HTT: variants seen among roughly 807,000 people sequenced by gnomAD.
HTT encodes the protein huntingtin.
In HTT, 104 loss-of-function variants were observed where a neutral mutation model predicts 362.3. The observed-to-expected ratio is 0.29, with a 90% CI of 0.24 to 0.34. HTT has a LOEUF of 0.34. HTT is among the 10% of genes least tolerant of loss of function. The pLI, the probability that HTT is intolerant of heterozygous loss-of-function variation, is 1.00. For missense variants in HTT, 3,301 were observed against 3,928.6 expected, an observed-to-expected ratio of 0.84 and a Z score of 4.27; for synonymous variants, 1,577 against 1,548.7, an observed-to-expected ratio of 1.02 and a Z score of -0.43.
At chr4:3,120,914 C>T (rs1715268827) in intron 8 of HTT, among the ~76,000 whole-genome samples, 1 of 152,214 alleles carries the variant, frequency 6.6e-6, no homozygotes, top group Non-Finnish European at 1.5e-5. Context: ...ACTCTCCCCT[C>T]CGTGTATGCT....
Position 3,180,703 on chromosome 4 carries a change from G to A in HTT, c.4749+52G>A, listed in dbSNP as rs538773311. ...CGTGGATACTTTATTGACCCGTGCA[G>A]ATGGAAGGAAGTGCCATGTGGTAAC... On this transcript the variant is annotated intron_variant, in intron 36 of 66. Coordinates refer to ENST00000355072, the MANE Select transcript of HTT (RefSeq NM_001388492.1). 160 of 1,505,440 alleles carry A rather than the reference G, an allele frequency of 1.1e-4. No individual in the cohort carries two copies. The East Asian group carries it at 3.8e-3, about 36-fold the overall frequency. 93.3% of individuals were successfully genotyped at this position (1,505,440 alleles called of 1,614,324 possible). A position where few individuals can be genotyped will look rare whatever the true frequency, so the allele number is the denominator to read the frequency against.
intron 31 of HTT, 41 bp from the exon 32 acceptor site, chr4:3,174,680 A>T: frequency 6.8e-7 from 1 of 1,461,908 alleles, no homozygotes; most frequent in African/African-American, 1.4e-5. Flanking sequence ...TTATTTAAAG[A>T]TATTCTCATT....
intron 2 of HTT, among the ~76,000 whole-genome samples, chr4:3,090,369 T>C (rs1713436152): frequency 6.6e-6 from 1 of 152,210 alleles, no homozygotes; most frequent in Admixed American, 6.5e-5. Context: ...CAAACATACT[T>C]CTGCATTCTG....
chr4:3,131,515 G>C, intron 15 of HTT, 118 bp downstream of exon 15: 1 of 1,509,900 alleles, frequency 6.6e-7, no homozygotes, highest in Admixed American at 1.7e-5. Flanking sequence ...GATGAGTTTG[G>C]TTTTCACTAG....
rs751707112 is a variant in HTT, at chr4:3,099,340, C to T, written c.414C>T (p.Asp138=). The part of the protein sequence containing the change: ...AMELFLLCSD[D]AESDVRMVAD... ...AACTTTTTCTGCTGTGCAGTGATGA[C>T]GCAGAGTCAGATGTCAGGATGGTGG... Residue 138 remains aspartate (D), a synonymous_variant, in exon 3 of 67, where the codon GAC becomes GAT. Transcript: ENST00000355072. 43 of 1,613,462 alleles carry T rather than the reference C, an allele frequency of 2.7e-5. No homozygotes were observed. Among genetic ancestry groups the T allele is most frequent in the African/African-American group, 4.0e-5 (3 of 74,892 alleles).
At chr4:3,159,785 T>A (rs2110217397) in intron 28 of HTT, among the ~76,000 whole-genome samples, 1 of 152,378 alleles carries the variant, frequency 6.6e-6, no homozygotes, top group South Asian at 2.1e-4. Context: ...AAAATAGAAT[T>A]GCTGTATAAT....
Position 3,241,112 on chromosome 4 carries a change from G to A in HTT, c.*1053G>A. ...TGGGGTGGCGTCTGCCTAGGAGCTG[G>A]CTGGCAGGTGTTGGGACCTGCTGCT... On this transcript the variant is annotated 3_prime_UTR_variant, in exon 67 of 67. Coordinates refer to ENST00000355072, the MANE Select transcript of HTT (RefSeq NM_001388492.1). 6.6e-6 allele frequency: 1 copy of A among 152,636 alleles called. No individual in the cohort carries two copies. Among genetic ancestry groups the A allele is most frequent in the Non-Finnish European group, 1.5e-5 (1 of 68,280 alleles). 9.5% of individuals were successfully genotyped at this position (152,636 alleles called of 1,614,324 possible).
chr4:3,149,225 C>CAATAA lies in HTT; in HGVS notation c.3498+1022_3498+1026dup, dbSNP rs1442673861. ...GGGACAGTTTTGCTTTTCTGTGAAG[C>CAATAA]AATAAAATCAACTTCAAAACAAATG... On this transcript the variant is annotated intron_variant, in intron 26 of 66. Coordinates refer to ENST00000355072, the MANE Select transcript of HTT (RefSeq NM_001388492.1). Among the ~76,000 whole-genome samples the CAATAA allele has an allele frequency of 3.3e-5, 5 of 150,478 alleles. No individual in the cohort carries two copies. The South Asian group carries it at 6.3e-4, about 19-fold the overall frequency.
At chr4:3,080,856 C>G (rs1046478490) in intron 1 of HTT, among the ~76,000 whole-genome samples, 3 of 152,120 alleles carry the variant, frequency 2.0e-5, no homozygotes, top group Admixed American at 2.0e-4. Context: ...CTATTCTTTC[C>G]CCATGGAATT....
intron 3 of HTT, among the ~76,000 whole-genome samples, chr4:3,100,296 T>C (rs892629386): frequency 3.3e-5 from 5 of 152,178 alleles, no homozygotes; most frequent in African/African-American, 1.2e-4. Flanking sequence ...TGGTAAGAAG[T>C]GTTCTTATTA....
At chr4:3,115,756 C>A (rs1714990444) in intron 7 of HTT, among the ~76,000 whole-genome samples, 1 of 152,166 alleles carries the variant, frequency 6.6e-6, no homozygotes, top group African/African-American at 2.4e-5. Context: ...GCCTCGGGTT[C>A]CTGCGGGTTC....
chr4:3,189,091 C>G lies in HTT; in HGVS notation c.5366C>G (p.Ser1789Cys). ...ATGTGTCTGATCCACATCTTCAAGT[C>G]TGGTAGGTGAATCACATTAGTCTTC... ...LLMCLIHIFK[S>C]GMFRRITAAA... The change falls in exon 40 of 67, where the codon TCT (serine) becomes TGT (cysteine). Residue 1789 changes from serine (S) to cysteine (C), a missense_variant and splice_region_variant. By Grantham distance (112) the Ser-to-Cys change is moderately radical. Around this residue, in one of 4 missense-constraint regions of HTT, gnomAD observed 2,316 missense variants for 2,658.5 expected, o/e 0.87. Transcript: ENST00000355072. 3 of 1,613,954 alleles carry G rather than the reference C, an allele frequency of 1.9e-6. No individual in the cohort carries two copies. The highest frequency in any genetic ancestry group is 2.5e-6 in the Non-Finnish European group (3 of 1,179,874).
At position 3,186,592 on chromosome 4, in the gene HTT, C is replaced by G; in HGVS notation, c.4867-5C>G. 6.2e-7 allele frequency: 1 copy of G among 1,610,280 alleles called. No individual in the cohort carries two copies. Among genetic ancestry groups the G allele is most frequent in the Non-Finnish European group, 8.5e-7 (1 of 1,177,782 alleles). Reference sequence around the variant, plus strand: ...TAGAAATGTTTGTGGTGTCTAATTCCACAGATGCACATTGACTCTCATGAA... The same window carrying G: ...TAGAAATGTTTGTGGTGTCTAATTCGACAGATGCACATTGACTCTCATGAA... On this transcript the variant is annotated splice_polypyrimidine_tract_variant and splice_region_variant and intron_variant, in intron 37 of 66. Coordinates refer to ENST00000355072, the MANE Select transcript of HTT (RefSeq NM_001388492.1).
chr4:3,119,858 AC>A (rs899508266), intron 8 of HTT, among the ~76,000 whole-genome samples: 1 of 152,202 alleles, frequency 6.6e-6, no homozygotes, highest in Non-Finnish European at 1.5e-5. Flanking sequence ...TAGAGCAGGT[AC>A]CCAAAAATGT....
At chr4:3,131,848 T>G in intron 16 of HTT, 73 bp downstream of exon 16, 1 of 1,447,968 alleles carries the variant, frequency 6.9e-7, no homozygotes. Flanking sequence ...TATTGACTAT[T>G]TTAGTTTTAG....
chr4:3,105,582 C>A, intron 5 of HTT, 146 bp downstream of exon 5: 1 of 648,228 alleles, frequency 1.5e-6, no homozygotes, highest in Non-Finnish European at 2.8e-6. Flanking sequence ...TCCCTCATAG[C>A]ACTAATCCAT....
In HTT at chr4:3,142,863, A is replaced by G. The variant is rs1389310543; in HGVS notation, c.3043A>G (p.Thr1015Ala). 9 of 1,612,718 alleles carry G rather than the reference A, an allele frequency of 5.6e-6. No homozygotes were observed. Among genetic ancestry groups the G allele is most frequent in the Non-Finnish European group, 7.6e-6 (9 of 1,178,822 alleles). ...VIAAVSHELITSTTRALTFGC... is the reference protein window; with the variant it reads ...VIAAVSHELIASTTRALTFGC... Reference sequence around the variant, plus strand: ...TGCAGCAGTTTCTCATGAACTAATCACATCAACCACCAGAGCACTCACAGT... The same window carrying G: ...TGCAGCAGTTTCTCATGAACTAATCGCATCAACCACCAGAGCACTCACAGT... The change falls in exon 23 of 67, where the codon ACA becomes GCA. Residue 1015 changes from threonine (T) to alanine (A), a missense_variant. By Grantham distance (58) the Thr-to-Ala change is moderately conservative. Coordinates refer to ENST00000355072, the MANE Select transcript of HTT (RefSeq NM_001388492.1).
At chr4:3,183,694 A>G (rs535452180) in intron 37 of HTT, among the ~76,000 whole-genome samples, 6 of 152,150 alleles carry the variant, frequency 3.9e-5, no homozygotes, top group African/African-American at 1.4e-4. Context: ...CTGCCTACAG[A>G]TGGTTTTAGA....
At chr4:3,191,419 G>A (rs909495393) in intron 40 of HTT, among the ~76,000 whole-genome samples, 1 of 151,990 alleles carries the variant, frequency 6.6e-6, no homozygotes, top group Admixed American at 6.6e-5. Flanking sequence ...TGATCCACCC[G>A]CCTCGGCCTC....
Sources: allele counts gnomAD v4.1 joint callset (sites outside exome capture counted in the v4.1 genomes callset), GRCh38; gene constraint gnomAD v4.1.1; regional missense constraint gnomAD v4.1.1; transcripts MANE v1.5; gene names NCBI Gene and HGNC (gene_info 2026-07-23, HGNC 2026-07-21).